NPAS2: variants seen among roughly 807,000 people sequenced by gnomAD.
NPAS2 encodes neuronal PAS domain-containing protein 2.
Under a neutral mutation model 107.5 loss-of-function variants are expected in NPAS2, and 23 were observed. That is an observed-to-expected ratio of 0.21 (90% confidence interval 0.15 to 0.30). The LOEUF (loss-of-function observed/expected upper bound fraction) is 0.30, where lower values mean the gene tolerates loss of function less well. Among genes scored for constraint, NPAS2 ranks in the 10% least tolerant of loss-of-function variants. NPAS2 has a pLI of 1.00. For synonymous variants in NPAS2, 403 were observed against 417.5 expected (o/e 0.97, Z 0.42); for missense variants, 756 against 1,043.3 (o/e 0.72, Z 3.79).
Position 100,896,986 on chromosome 2 carries a change from A to G in NPAS2, c.-22-7747A>G, listed in dbSNP as rs1284891671. ...GAGGTTTAATTGATCCACAGTTCACATGGCTGAGGAGGCCGCAGGAAACTT... is the reference window on the plus strand; with the variant it reads ...GAGGTTTAATTGATCCACAGTTCACGTGGCTGAGGAGGCCGCAGGAAACTT... On this transcript the variant is annotated intron_variant, in intron 1 of 20. Coordinates refer to ENST00000335681, the MANE Select transcript of NPAS2 (RefSeq NM_002518.4). Among the ~76,000 whole-genome samples, 4 of 152,218 alleles carry G rather than the reference A, an allele frequency of 2.6e-5. No individual in the cohort carries two copies. In the East Asian group the frequency reaches 7.7e-4, roughly 29 times the overall value.
intron 1 of NPAS2, among the ~76,000 whole-genome samples, chr2:100,850,011 TAAAAAAAAAAAAAA>T (rs58359292): frequency 1.8e-5 from 1 of 56,210 alleles, no homozygotes; most frequent in Non-Finnish European, 3.0e-5. Flanking sequence ...ACTCTTTTTG[TAAAAAAAAAAAAAA>T]AAAAAAAAAA....
In NPAS2 at chr2:100,939,402, C is replaced by CCTCT. The variant is rs1317448162; in HGVS notation, c.363+1560_363+1561insCTCT. 6.6e-5 allele frequency among the ~76,000 whole-genome samples: 10 copies of CCTCT among 152,210 alleles called. 1 individual carries two copies. The highest frequency in any genetic ancestry group is 6.2e-4 in the South Asian group (3 of 4,818). On this transcript the variant is annotated intron_variant, in intron 5 of 20. Coordinates refer to ENST00000335681, the MANE Select transcript of NPAS2 (RefSeq NM_002518.4). Reference sequence around the variant, plus strand: ...GGGGCTCTCTCCTCTTGATAGCCATCAGAAGTGGCTCATCCTCACTCGGCC... The same window carrying CCTCT: ...GGGGCTCTCTCCTCTTGATAGCCATCCTCTAGAAGTGGCTCATCCTCACTCGGCC...
chr2:100,843,283 A>T (rs1159064371), intron 1 of NPAS2, among the ~76,000 whole-genome samples: 1 of 151,856 alleles, frequency 6.6e-6, no homozygotes, highest in Non-Finnish European at 1.5e-5. Context: ...TCACCTGGGA[A>T]TTTCATACAT....
chr2:100,995,564 C>A lies in NPAS2; in HGVS notation c.2457C>A (p.Leu819=). 6.2e-7 allele frequency: 1 copy of A among 1,607,096 alleles called. No individual in the cohort carries two copies. The highest frequency in any genetic ancestry group is 1.3e-5 in the African/African-American group (1 of 74,926). Residue 819 remains leucine (L), a synonymous_variant, in exon 21 of 21, where the codon CTC becomes CTA. Coordinates refer to ENST00000335681, the MANE Select transcript of NPAS2 (RefSeq NM_002518.4). The part of the protein sequence containing the change: ...RVSSLSESSG[L]QQPPR ...GCAGTCTGTCTGAGTCGTCAGGCCT[C>A]CAGCAGCCGCCCCGATAATGCCCCG...
chr2:100,878,432 A>T (rs977243741), intron 1 of NPAS2: 1 of 985,326 alleles, frequency 1.0e-6, no homozygotes, highest in African/African-American at 1.7e-5. Context: ...GGACAAGGAC[A>T]TGAGAAAGAC....
chr2:100,864,111 T>C (rs1679105266), intron 1 of NPAS2, among the ~76,000 whole-genome samples: 2 of 152,236 alleles, frequency 1.3e-5, no homozygotes, highest in Non-Finnish European at 2.9e-5. Context: ...GGGAATTTGG[T>C]TGACTTACAT....
At chr2:100,949,507 G>A in intron 7 of NPAS2, 27 bp downstream of exon 7, 1 of 1,329,454 alleles carries the variant, frequency 7.5e-7, no homozygotes, top group Non-Finnish European at 1.1e-6. Flanking sequence ...ATATAATTGT[G>A]ACAGTGTCTT....
chr2:100,974,952 C>A lies in NPAS2; in HGVS notation c.1282+8C>A. ...CCATGTCAGAACCCACCTGTGAGTG[C>A]GAGTCCATGGATGGGGAGTGGGATG... On this transcript the variant is annotated splice_region_variant and intron_variant, in intron 13 of 20. Transcript: ENST00000335681. 2 of 1,613,410 alleles carry A rather than the reference C, an allele frequency of 1.2e-6. No individual in the cohort carries two copies. The highest frequency in any genetic ancestry group is 8.5e-7 in the Non-Finnish European group (1 of 1,179,606).
chr2:100,937,616 G>A, intron 4 of NPAS2, 137 bp from the exon 5 acceptor site: 1 of 709,922 alleles, frequency 1.4e-6, no homozygotes, highest in East Asian at 2.6e-5. Flanking sequence ...GCCAAGAAGT[G>A]CCGTGAGGTT....
chr2:100,888,480 AG>A lies in NPAS2; in HGVS notation c.-22-16250del, dbSNP rs1384202710. On this transcript the variant is annotated intron_variant, in intron 1 of 20. Transcript: ENST00000335681. ...TCACAGACTGGCAGCTTGTCATCTG[AG>A]GGTTTGAATGCTACGATATGGAACC... is the stretch of plus-strand genomic sequence containing the variant. Among the ~76,000 whole-genome samples the A allele has an allele frequency of 4.6e-5, 7 of 152,296 alleles. No homozygotes were observed. In the East Asian group the frequency reaches 1.4e-3, roughly 29 times the overall value.
At chr2:100,844,202 C>G (rs781288700) in intron 1 of NPAS2, among the ~76,000 whole-genome samples, 14 of 152,128 alleles carry the variant, frequency 9.2e-5, no homozygotes, top group Admixed American at 9.2e-4. Flanking sequence ...CAGCAACCAC[C>G]ATGCCCAGCT....
chr2:100,834,536 A>G (rs374928808), intron 1 of NPAS2, among the ~76,000 whole-genome samples: 2 of 152,290 alleles, frequency 1.3e-5, no homozygotes, highest in East Asian at 3.9e-4. Flanking sequence ...CATGCCTATG[A>G]AGGAGACTAA....
intron 10 of NPAS2, among the ~76,000 whole-genome samples, chr2:100,966,176 T>C (rs1454949889): frequency 1.3e-5 from 2 of 152,092 alleles, no homozygotes; most frequent in Non-Finnish European, 2.9e-5. Context: ...GGCTGGCATA[T>C]GGGGATGATC....
rs148967476 is a variant in NPAS2, at chr2:100,936,938, T to C, written c.274-815T>C. Among the ~76,000 whole-genome samples, 175 of 136,574 alleles carry C rather than the reference T, an allele frequency of 1.3e-3. 3 individuals carry two copies. In the East Asian group the frequency reaches 0.02, roughly 16 times the overall value. The allele number at this position is 136,574 out of a possible 152,430, so 89.6% of individuals were successfully genotyped here. Reference sequence around the variant, plus strand: ...CAGAGGTGGCAGTGAGCCGAGATCATGCCACTGCACTCCAGCCTGGGTGAC... The same window carrying C: ...CAGAGGTGGCAGTGAGCCGAGATCACGCCACTGCACTCCAGCCTGGGTGAC... On this transcript the variant is annotated intron_variant, in intron 4 of 20. Coordinates refer to ENST00000335681, the MANE Select transcript of NPAS2 (RefSeq NM_002518.4).
In NPAS2 at chr2:100,974,888, C is replaced by T. The variant is rs564795063; in HGVS notation, c.1226C>T (p.Ser409Leu). Residue 409 changes from serine to leucine, a missense_variant, in exon 13 of 21, where the codon TCG becomes TTG. Physicochemically the swap from Ser to Leu is moderately radical, Grantham distance 145 (BLOSUM62 -2). Transcript: ENST00000335681. Reference protein sequence around the residue: ...ASGLNTSHSPSASSRSSHKSS... With the variant: ...ASGLNTSHSPLASSRSSHKSS... ...GGCCTTAATACCAGTCATTCGCCATCGGCGTCCTCAAGAAGTTCCCACAAA... is the reference window on the plus strand; with the variant it reads ...GGCCTTAATACCAGTCATTCGCCATTGGCGTCCTCAAGAAGTTCCCACAAA... 18 of 1,613,934 alleles carry T rather than the reference C, an allele frequency of 1.1e-5. No individual in the cohort carries two copies. The highest frequency in any genetic ancestry group is 6.6e-5 in the South Asian group (6 of 91,086).
At chr2:100,926,419 C>T (rs986353519) in intron 3 of NPAS2, among the ~76,000 whole-genome samples, 1 of 152,130 alleles carries the variant, frequency 6.6e-6, no homozygotes, top group African/African-American at 2.4e-5. Context: ...CCAATTTCTC[C>T]ACATCCTTGG....
At chr2:100,949,223 G>C (rs1675080555) in intron 6 of NPAS2, 144 bp from the exon 7 acceptor site, 2 of 647,334 alleles carry the variant, frequency 3.1e-6, no homozygotes, top group Non-Finnish European at 2.8e-6. Flanking sequence ...TACAAACCAG[G>C]CCCAAAAGTC....
rs1676996847 is a variant in NPAS2, at chr2:100,976,244, G to A, written c.1392+677G>A. Among the ~76,000 whole-genome samples, 1 of 152,028 alleles carries A rather than the reference G, an allele frequency of 6.6e-6. No homozygotes were observed. The stretch of plus-strand genomic sequence containing the variant: ...CACCCACCAGATGGTGTCTGCACAT[G>A]AATGTCCAGCAGCCGGGCTGGGTGG... On this transcript the variant is annotated intron_variant, in intron 14 of 20. Coordinates refer to ENST00000335681, the MANE Select transcript of NPAS2 (RefSeq NM_002518.4). The surrounding 1 kb of genome is among the most constrained non-coding windows in gnomAD (Gnocchi z 4.1).
intron 1 of NPAS2, among the ~76,000 whole-genome samples, chr2:100,825,317 A>G (rs984716584): frequency 1.3e-5 from 2 of 152,230 alleles, no homozygotes; most frequent in African/African-American, 2.4e-5. Context: ...ATAAAAGTAC[A>G]TAGTTTTTGG....
Sources: gnomAD v4.1 joint callset for allele counts (sites outside exome capture counted in the v4.1 genomes callset) on GRCh38, gnomAD v4.1.1 for gene constraint, Gnocchi (gnomAD v3.1) non-coding constraint, MANE v1.5 for transcripts, NCBI Gene and HGNC (gene_info 2026-07-23, HGNC 2026-07-21) for gene names.